DISC1: variants seen among roughly 807,000 people sequenced by gnomAD.
DISC1 encodes disrupted in schizophrenia 1 protein.
DISC1 carries 57 observed loss-of-function variants against 84.5 expected under a neutral mutation model. That is an observed-to-expected ratio of 0.67 (90% CI 0.55 to 0.84). DISC1 has a LOEUF of 0.84. Among genes scored for constraint, DISC1 ranks in the 40% least tolerant of loss-of-function variants. The pLI, the probability that DISC1 is intolerant of heterozygous loss-of-function variation, is 0.00. For synonymous variants in DISC1, 411 were observed against 415.2 expected (o/e 0.99, Z 0.12); for missense variants, 1,000 against 1,057.8 (o/e 0.95, Z 0.76).
intron 6 of DISC1, among the ~76,000 whole-genome samples, chr1:231,791,074 C>T (rs1261474453): frequency 6.6e-6 from 1 of 152,188 alleles, no homozygotes; most frequent in East Asian, 1.9e-4. Context: ...CTGTGCAGCA[C>T]ATTCATGTCA....
At chr1:231,939,301 A>G (rs2091163632) in intron 9 of DISC1, among the ~76,000 whole-genome samples, 2 of 152,214 alleles carry the variant, frequency 1.3e-5, no homozygotes, top group South Asian at 4.1e-4. Context: ...AGTGCCTGGC[A>G]TGTAGTAGTT....
chr1:231,766,294 A>AAG (rs1395906776), intron 4 of DISC1, among the ~76,000 whole-genome samples: 3 of 149,302 alleles, frequency 2.0e-5, no homozygotes, highest in African/African-American at 2.5e-5. Flanking sequence ...TATCTAAAAA[A>AAG]AAAAAAAAAA....
intron 11 of DISC1, among the ~76,000 whole-genome samples, chr1:232,014,042 T>C (rs1668262707): frequency 6.6e-6 from 1 of 152,154 alleles, no homozygotes; most frequent in African/African-American, 2.4e-5. Flanking sequence ...AGGGGTATCA[T>C]ACTGTGAGCC....
intron 4 of DISC1, chr1:231,750,431 A>T: frequency 9.7e-7 from 1 of 1,035,936 alleles, no homozygotes; most frequent in South Asian, 4.0e-5. Flanking sequence ...AGCCTGTAAG[A>T]TAAACAGATG....
rs562037487 is a variant in DISC1 at position 232,027,171 on chromosome 1, G to A, written c.2425+619G>A. On this transcript the variant is annotated intron_variant, in intron 12 of 12. Coordinates refer to ENST00000439617, the MANE Select transcript of DISC1 (RefSeq NM_018662.3). ...GTAAATCCAGCTCTGTGTGGCCCTG[G>A]TGAAGGAAAACAGTTGACTGGCTCG... Among the ~76,000 whole-genome samples the A allele has an allele frequency of 5.3e-5, 8 of 152,314 alleles. No individual in the cohort carries two copies. The South Asian group carries it at 1.7e-3, about 32-fold the overall frequency.
At chr1:231,650,201 C>T (rs1015041356) in intron 1 of DISC1, among the ~76,000 whole-genome samples, 1 of 152,068 alleles carries the variant, frequency 6.6e-6, no homozygotes, top group Non-Finnish European at 1.5e-5. Flanking sequence ...TGGCTGGTAC[C>T]CGTTGTTCCT....
chr1:231,829,370 A>G (rs1320263585), intron 9 of DISC1, among the ~76,000 whole-genome samples: 1 of 152,020 alleles, frequency 6.6e-6, no homozygotes, highest in Non-Finnish European at 1.5e-5. Flanking sequence ...TTGTGCCTTT[A>G]TAAGTTTTTT....
At chr1:231,754,753 A>G (rs979887602) in intron 4 of DISC1, among the ~76,000 whole-genome samples, 2 of 152,248 alleles carry the variant, frequency 1.3e-5, no homozygotes, top group Non-Finnish European at 2.9e-5. Context: ...CATCTCTTAC[A>G]TTTGACTGTT....
chr1:231,969,440 T>C (rs780215833), intron 10 of DISC1, among the ~76,000 whole-genome samples: 8 of 151,880 alleles, frequency 5.3e-5, no homozygotes, highest in Non-Finnish European at 8.8e-5. Flanking sequence ...GCTCCAGAGC[T>C]CAGGTGCTGG....
chr1:232,025,933 A>G (rs1257862005), intron 11 of DISC1, among the ~76,000 whole-genome samples: 1 of 152,094 alleles, frequency 6.6e-6, no homozygotes, highest in African/African-American at 2.4e-5. Context: ...TATATGCAGT[A>G]TACACCTCAT....
chr1:232,001,848 T>C (rs1754606), intron 10 of DISC1, among the ~76,000 whole-genome samples: 43,838 of 152,076 alleles, frequency 0.29, 6,589 homozygotes, highest in African/African-American at 0.34. Flanking sequence ...AGACTCGACA[T>C]TAGAAGCACA....
At chr1:231,775,049 C>A (rs867993904) in intron 6 of DISC1, among the ~76,000 whole-genome samples, 18 of 152,238 alleles carry the variant, frequency 1.2e-4, no homozygotes, top group South Asian at 4.1e-4. Flanking sequence ...AATTGTGAAA[C>A]AGGAAAACCT....
chr1:231,814,190 A>G (rs757737108), intron 8 of DISC1, among the ~76,000 whole-genome samples: 24 of 152,146 alleles, frequency 1.6e-4, no homozygotes, highest in Non-Finnish European at 2.8e-4. Flanking sequence ...GTTTAAAAGG[A>G]AGTGTTCTGG....
chr1:231,832,042 A>C (rs1365220136), intron 9 of DISC1, among the ~76,000 whole-genome samples: 1 of 152,072 alleles, frequency 6.6e-6, no homozygotes, highest in Non-Finnish European at 1.5e-5. Context: ...AGAGAGATAC[A>C]GTCATGAGGG....
Position 232,009,469 on chromosome 1 carries a change from G to T in DISC1, c.2307+420G>T. ...GTCATATATGATGTTTATATATTTA[G>T]AATCTATATATTACAATATATTATT... On this transcript the variant is annotated intron_variant, in intron 11 of 12. Coordinates refer to ENST00000439617, the MANE Select transcript of DISC1 (RefSeq NM_018662.3). This position sits in a 1 kb window ranked among gnomAD's most constrained non-coding sequence, Gnocchi z 4.6. 1 of 605,364 alleles carries T rather than the reference G, an allele frequency of 1.7e-6. No individual in the cohort carries two copies. Among genetic ancestry groups the T allele is most frequent in the South Asian group, 7.5e-5 (1 of 13,304 alleles). The allele number at this position is 605,364 out of a possible 1,614,324, so 37.5% of individuals were successfully genotyped here.
At chr1:231,896,825 A>G (rs929333921) in intron 9 of DISC1, among the ~76,000 whole-genome samples, 7 of 152,230 alleles carry the variant, frequency 4.6e-5, no homozygotes, top group African/African-American at 1.7e-4. Flanking sequence ...GAAATACATC[A>G]AATAGAGGCG....
At chr1:231,972,639 A>G (rs1662164704) in intron 10 of DISC1, among the ~76,000 whole-genome samples, 1 of 152,202 alleles carries the variant, frequency 6.6e-6, no homozygotes. Context: ...CTGAAAACAA[A>G]TTGACTGCTC....
At chr1:231,648,902 A>G (rs1411180380) in intron 1 of DISC1, among the ~76,000 whole-genome samples, 1 of 152,044 alleles carries the variant, frequency 6.6e-6, no homozygotes, top group African/African-American at 2.4e-5. Context: ...ATCAGTGGTG[A>G]TATCCCCTTT....
intron 9 of DISC1, among the ~76,000 whole-genome samples, chr1:231,888,473 G>T (rs544458162): frequency 6.7e-6 from 1 of 150,238 alleles, no homozygotes; most frequent in Non-Finnish European, 1.5e-5. Context: ...GGCCAGGTGC[G>T]GTGGCTCACA....
Sources: allele counts gnomAD v4.1 joint callset (sites outside exome capture counted in the v4.1 genomes callset), GRCh38; gene constraint gnomAD v4.1.1; non-coding constraint Gnocchi (gnomAD v3.1); transcripts MANE v1.5; gene names NCBI Gene and HGNC (gene_info 2026-07-23, HGNC 2026-07-21).